Variants in GALNTL6 observed in about 807,000 individuals in gnomAD.
GALNTL6 encodes the protein polypeptide N-acetylgalactosaminyltransferase-like 6.
A neutral mutation model predicts 73.7 loss-of-function variants in GALNTL6; 46 were observed. The ratio of observed to expected loss-of-function variants is 0.62; its 90% CI spans 0.49 to 0.80. The LOEUF (loss-of-function observed/expected upper bound fraction) is 0.80, where lower values mean the gene tolerates loss of function less well. Among genes scored for constraint, GALNTL6 ranks in the 30% least tolerant of loss-of-function variants. The pLI is 0.00. For synonymous variants in GALNTL6, 259 were observed against 263.7 expected (o/e 0.98, Z 0.17); for missense variants, 604 against 755.0 (o/e 0.80, Z 2.34).
At chr4:172,880,643 A>G (rs1745408298) in intron 7 of GALNTL6, among the ~76,000 whole-genome samples, 1 of 152,176 alleles carries the variant, frequency 6.6e-6, no homozygotes, top group Non-Finnish European at 1.5e-5. Flanking sequence ...GCAATCAATT[A>G]TATGTCAATT....
intron 5 of GALNTL6, among the ~76,000 whole-genome samples, chr4:172,482,394 C>T (rs1045062048): frequency 5.9e-5 from 9 of 152,208 alleles, no homozygotes; most frequent in Non-Finnish European, 1.0e-4. Context: ...GCGCTGAGAG[C>T]GAGAGAGGGC....
intron 5 of GALNTL6, among the ~76,000 whole-genome samples, chr4:172,645,631 C>G (rs886949678): frequency 5.9e-5 from 9 of 151,466 alleles, no homozygotes; most frequent in Non-Finnish European, 2.9e-5. Flanking sequence ...CCCTCTATAA[C>G]AAAATTCAGA....
chr4:172,720,889 G>A (rs917813497), intron 5 of GALNTL6, among the ~76,000 whole-genome samples: 6 of 152,288 alleles, frequency 3.9e-5, no homozygotes, highest in Admixed American at 6.5e-5. Context: ...GGAGAACCAA[G>A]AGTCAGCCTT....
At chr4:172,051,497 G>T (rs1166880943) in intron 2 of GALNTL6, among the ~76,000 whole-genome samples, 1 of 152,038 alleles carries the variant, frequency 6.6e-6, no homozygotes, top group East Asian at 1.9e-4. Context: ...TGGGGATGGG[G>T]TGGGAAGGTG....
At chr4:172,619,291 G>A (rs1429557246) in intron 5 of GALNTL6, among the ~76,000 whole-genome samples, 1 of 152,042 alleles carries the variant, frequency 6.6e-6, no homozygotes, top group Non-Finnish European at 1.5e-5. Flanking sequence ...CTCCACTTCT[G>A]AATCATGTCT....
chr4:172,824,787 T>A (rs867462602), intron 7 of GALNTL6, among the ~76,000 whole-genome samples: 1 of 152,146 alleles, frequency 6.6e-6, no homozygotes, highest in South Asian at 2.1e-4. Context: ...CAAAACTTTT[T>A]AAAAATAAAA....
chr4:171,844,482 A>G (rs1236448512), intron 2 of GALNTL6, among the ~76,000 whole-genome samples: 1 of 152,160 alleles, frequency 6.6e-6, no homozygotes, highest in Non-Finnish European at 1.5e-5. Flanking sequence ...GTGACATTCA[A>G]TCTCATCTTC....
chr4:172,140,885 A>G (rs1733781510), intron 2 of GALNTL6, among the ~76,000 whole-genome samples: 1 of 152,028 alleles, frequency 6.6e-6, no homozygotes, highest in African/African-American at 2.4e-5. Context: ...GGAAAGGGCT[A>G]ATAGTAAAAA....
intron 5 of GALNTL6, among the ~76,000 whole-genome samples, chr4:172,484,471 A>G (rs1025792164): frequency 4.6e-5 from 7 of 151,156 alleles, no homozygotes; most frequent in Non-Finnish European, 1.0e-4. Flanking sequence ...GGTTGGAAAC[A>G]TTGGTGGTGC....
chr4:172,478,687 C>A (rs1292403989), intron 5 of GALNTL6, among the ~76,000 whole-genome samples: 1 of 151,930 alleles, frequency 6.6e-6, no homozygotes, highest in Non-Finnish European at 1.5e-5. Context: ...TTCCGCACAG[C>A]AAAATAAATA....
intron 2 of GALNTL6, among the ~76,000 whole-genome samples, chr4:171,921,698 C>T (rs540722849): frequency 3.9e-5 from 6 of 152,142 alleles, no homozygotes; most frequent in African/African-American, 1.4e-4. Context: ...TCTTCAATTT[C>T]TAATTTTATT....
intron 5 of GALNTL6, among the ~76,000 whole-genome samples, chr4:172,705,213 A>ATTTTTT: frequency 6.8e-6 from 1 of 146,398 alleles, no homozygotes; most frequent in African/African-American, 2.5e-5. Context: ...TACTACTGCT[A>ATTTTTT]TTTTTTTTTT....
At chr4:172,261,820 T>G (rs10015144) in intron 3 of GALNTL6, among the ~76,000 whole-genome samples, 73,191 of 150,894 alleles carry the variant, frequency 0.49, 17,729 homozygotes, top group Middle Eastern at 0.56. Flanking sequence ...TCAGTTCAAA[T>G]AATTTTTAAA....
intron 2 of GALNTL6, among the ~76,000 whole-genome samples, chr4:172,176,266 C>T (rs1003303167): frequency 1.4e-5 from 2 of 138,082 alleles, no homozygotes; most frequent in Non-Finnish European, 3.0e-5. Context: ...CGTGAACCTG[C>T]GAGGCGGAGC....
chr4:171,978,815 GGA>G (rs1553978859), intron 2 of GALNTL6, among the ~76,000 whole-genome samples: 1 of 151,902 alleles, frequency 6.6e-6, no homozygotes, highest in Non-Finnish European at 1.5e-5. Flanking sequence ...TTTGCAAAAT[GGA>G]GAGCTTCTTG....
chr4:172,773,484 T>C (rs75686581), intron 5 of GALNTL6, among the ~76,000 whole-genome samples: 1 of 152,262 alleles, frequency 6.6e-6, no homozygotes, highest in East Asian at 1.9e-4. Flanking sequence ...ATTCTTCATA[T>C]AGTTGGTCCT....
At chr4:172,986,223 C>T (rs1212895722) in intron 10 of GALNTL6, among the ~76,000 whole-genome samples, 1 of 152,192 alleles carries the variant, frequency 6.6e-6, no homozygotes, top group Non-Finnish European at 1.5e-5. Context: ...GGTTTCATCA[C>T]ACATTATTCT....
intron 2 of GALNTL6, among the ~76,000 whole-genome samples, chr4:171,863,742 C>T (rs1735898898): frequency 6.6e-6 from 1 of 151,772 alleles, no homozygotes; most frequent in African/African-American, 2.4e-5. Flanking sequence ...AATGATAATA[C>T]CTGAGGAGAA....
At chr4:171,871,055 TTTACTTTAGCATTA>T (rs1439167866) in intron 2 of GALNTL6, among the ~76,000 whole-genome samples, 2 of 152,156 alleles carry the variant, frequency 1.3e-5, no homozygotes, top group Non-Finnish European at 1.5e-5. Flanking sequence ...ATAAAACTAA[TTTACTTTAGCATTA>T]TTATATTAAT....
Sources: allele counts gnomAD v4.1 joint callset (sites outside exome capture counted in the v4.1 genomes callset), GRCh38; gene constraint gnomAD v4.1.1; transcripts MANE v1.5; gene names NCBI Gene and HGNC (gene_info 2026-07-23, HGNC 2026-07-21).